FBXO15: variants seen among roughly 807,000 people sequenced by gnomAD.
The protein encoded by FBXO15 is F-box protein 15.
In FBXO15, 30 loss-of-function variants were observed where a neutral mutation model predicts 49.5. The ratio of observed to expected loss-of-function variants is 0.61; its 90% CI spans 0.45 to 0.82. FBXO15 has a LOEUF of 0.82. Among genes scored for constraint, FBXO15 ranks in the 40% least tolerant of loss-of-function variants. The pLI, the probability that FBXO15 is intolerant of heterozygous loss-of-function variation, is 0.00. For synonymous variants in FBXO15, 250 were observed against 232.7 expected (o/e 1.07, Z -0.68); for missense variants, 591 against 631.5 (o/e 0.94, Z 0.69).
chr18:74,110,552 C>G (rs1023324861), intron 8 of FBXO15, among the ~76,000 whole-genome samples: 3 of 151,818 alleles, frequency 2.0e-5, no homozygotes, highest in African/African-American at 7.3e-5. Flanking sequence ...ATATATCTCT[C>G]CAACTATATC....
chr18:74,143,949 C>T (rs1320772628), intron 1 of FBXO15, among the ~76,000 whole-genome samples: 2 of 152,226 alleles, frequency 1.3e-5, no homozygotes, highest in Non-Finnish European at 2.9e-5. Context: ...TGCTTACTAT[C>T]GCTGGAATGA....
At chr18:74,119,386 A>G (rs995005405) in intron 8 of FBXO15, among the ~76,000 whole-genome samples, 4 of 152,228 alleles carry the variant, frequency 2.6e-5, no homozygotes, top group African/African-American at 7.2e-5. Context: ...ACTATGTGCC[A>G]TGACAGTCCT....
rs531478737 is a variant in FBXO15, at chr18:74,130,268, G to A, written c.575+148C>T. 2.3e-5 allele frequency: 26 copies of A among 1,113,048 alleles called. 1 individual carries two copies. The highest frequency in any genetic ancestry group is 1.2e-4 in the African/African-American group (8 of 64,354). The allele number at this position is 1,113,048 out of a possible 1,614,324, so 68.9% of individuals were successfully genotyped here. On this transcript the variant is annotated intron_variant, in intron 4 of 9. Transcript: ENST00000419743. Reference sequence around the variant, plus strand: ...AATCAGCAGATGCAGAAGGCTATGCGGAATAGGAAAATGATACATATTTTA... The same window carrying A: ...AATCAGCAGATGCAGAAGGCTATGCAGAATAGGAAAATGATACATATTTTA...
At chr18:74,113,846 C>G (rs1184285092) in intron 8 of FBXO15, among the ~76,000 whole-genome samples, 1 of 152,226 alleles carries the variant, frequency 6.6e-6, no homozygotes. Flanking sequence ...TTGGCAAGCT[C>G]TATTTACACT....
Position 74,124,540 on chromosome 18 carries a change from T to C in FBXO15, c.944A>G (p.Asn315Ser), listed in dbSNP as rs772944634. The C allele has an allele frequency of 6.3e-5, 101 of 1,613,920 alleles. No homozygotes were observed. Among genetic ancestry groups the C allele is most frequent in the Non-Finnish European group, 8.2e-5 (97 of 1,180,020 alleles). The stretch of plus-strand genomic sequence containing the variant: ...CTCCACAAGGTGATGAAAATGAAGA[T>C]TTGCCATAACAAAAGCCAGTTCTTC... ...KEEELAFVMA[N>S]LHFHHLVERS... Residue 315 changes from asparagine to serine, a missense_variant, in exon 7 of 10, where the codon AAT (asparagine) becomes AGT (serine). By Grantham distance (46) the Asn-to-Ser change is conservative. Transcript: ENST00000419743.
intron 8 of FBXO15, among the ~76,000 whole-genome samples, chr18:74,093,090 CCTG>C (rs543795824): frequency 5.5e-4 from 84 of 152,260 alleles, no homozygotes; most frequent in African/African-American, 2.0e-3. Context: ...TGGGGGCAGG[CCTG>C]CTGTTGTCCA....
At chr18:74,102,995 G>C (rs1913590941) in intron 8 of FBXO15, among the ~76,000 whole-genome samples, 1 of 151,884 alleles carries the variant, frequency 6.6e-6, no homozygotes, top group African/African-American at 2.4e-5. Context: ...CTACAAATTG[G>C]GTTCATTGTA....
chr18:74,110,079 C>A (rs1913944809), intron 8 of FBXO15, among the ~76,000 whole-genome samples: 1 of 151,024 alleles, frequency 6.6e-6, no homozygotes, highest in Non-Finnish European at 1.5e-5. Flanking sequence ...GCTTTCACTT[C>A]CTTATTCATA....
intron 1 of FBXO15, among the ~76,000 whole-genome samples, chr18:74,141,394 C>T (rs1568183832): frequency 1.3e-5 from 2 of 152,208 alleles, no homozygotes; most frequent in Non-Finnish European, 2.9e-5. Context: ...TATTGGCGCA[C>T]CTCCTTCCTG....
intron 8 of FBXO15, among the ~76,000 whole-genome samples, chr18:74,121,274 G>A (rs886490521): frequency 1.3e-5 from 2 of 152,116 alleles, no homozygotes; most frequent in African/African-American, 2.4e-5. Flanking sequence ...AAAAATCCAA[G>A]AGGAAAGAAT....
chr18:74,083,734 C>A (rs1476322657), intron 8 of FBXO15, among the ~76,000 whole-genome samples: 1 of 152,200 alleles, frequency 6.6e-6, no homozygotes, highest in Non-Finnish European at 1.5e-5. Context: ...AAGGTCAGAG[C>A]TCTTTCCGCC....
At chr18:74,106,835 T>C (rs867372756) in intron 8 of FBXO15, among the ~76,000 whole-genome samples, 1 of 152,170 alleles carries the variant, frequency 6.6e-6, no homozygotes, top group Non-Finnish European at 1.5e-5. Flanking sequence ...GAAAAGTGGA[T>C]ACTAAATGTC....
At chr18:74,100,779 C>T (rs1225064012) in intron 8 of FBXO15, among the ~76,000 whole-genome samples, 1 of 152,042 alleles carries the variant, frequency 6.6e-6, no homozygotes, top group African/African-American at 2.4e-5. Context: ...ACTATGAACA[C>T]CTTTATGCAC....
At chr18:74,111,606 A>G (rs1914035639) in intron 8 of FBXO15, among the ~76,000 whole-genome samples, 1 of 152,066 alleles carries the variant, frequency 6.6e-6, no homozygotes, top group Non-Finnish European at 1.5e-5. Flanking sequence ...TCAACAATGT[A>G]AGCTTTCACA....
At chr18:74,107,896 A>G (rs1276603945) in intron 8 of FBXO15, among the ~76,000 whole-genome samples, 1 of 152,162 alleles carries the variant, frequency 6.6e-6, no homozygotes, top group East Asian at 1.9e-4. Context: ...TCAGAGCCTA[A>G]CCTACCTGAA....
At chr18:74,139,017 G>A (rs1009796863) in intron 2 of FBXO15, among the ~76,000 whole-genome samples, 15 of 151,998 alleles carry the variant, frequency 9.9e-5, no homozygotes, top group Non-Finnish European at 1.8e-4. Flanking sequence ...TGGGCTCCCC[G>A]ACCCCCACAC....
At chr18:74,135,136 T>C (rs1483829418) in intron 3 of FBXO15, among the ~76,000 whole-genome samples, 1 of 151,708 alleles carries the variant, frequency 6.6e-6, no homozygotes, top group Non-Finnish European at 1.5e-5. Flanking sequence ...GAAGCAGAGG[T>C]TTCTCCCCTT....
At chr18:74,095,533 T>C (rs1913237462) in intron 8 of FBXO15, among the ~76,000 whole-genome samples, 1 of 152,138 alleles carries the variant, frequency 6.6e-6, no homozygotes, top group South Asian at 2.1e-4. Flanking sequence ...TCAGAACACA[T>C]ACAACAGTTA....
chr18:74,138,946 G>A (rs1381770986), intron 2 of FBXO15, among the ~76,000 whole-genome samples: 1 of 152,092 alleles, frequency 6.6e-6, no homozygotes, highest in Non-Finnish European at 1.5e-5. Context: ...AAATAAACAA[G>A]ATAATTTGGG....
Sources: allele counts gnomAD v4.1 joint callset (sites outside exome capture counted in the v4.1 genomes callset), GRCh38; gene constraint gnomAD v4.1.1; transcripts MANE v1.5; gene names NCBI Gene and HGNC (gene_info 2026-07-23, HGNC 2026-07-21).